DIP2B: variants seen among roughly 807,000 people sequenced by gnomAD.
DIP2B encodes the protein DIP2 acetate--CoA ligase B (putative), also known as disco-interacting protein 2 homolog B.
DIP2B carries 76 observed loss-of-function variants against 198.0 expected under a neutral mutation model. The observed-to-expected ratio is 0.38, with a 90% CI of 0.32 to 0.46. The LOEUF (loss-of-function observed/expected upper bound fraction) is 0.46, where lower values mean the gene tolerates loss of function less well. DIP2B is among the 20% of genes least tolerant of loss of function. The pLI, the probability that DIP2B is intolerant of heterozygous loss-of-function variation, is 0.99. For synonymous variants in DIP2B, 701 were observed against 739.1 expected (o/e 0.95, Z 0.84); for missense variants, 1,559 against 1,978.4 (o/e 0.79, Z 4.02).
rs1166117560 is a variant in DIP2B, at chr12:50,734,981, T to C, written c.4044-92T>C. The stretch of plus-strand genomic sequence containing the variant: ...TGTAGTATGAGGAAGAGAGACAAGT[T>C]AGAGGTTGTGGGAAGGCAGCACCGA... On this transcript the variant is annotated intron_variant, in intron 33 of 37. Transcript: ENST00000301180. The C allele has an allele frequency of 2.8e-6, 4 of 1,447,976 alleles. No individual in the cohort carries two copies. The East Asian group carries it at 9.1e-5, about 33-fold the overall frequency. The allele number at this position is 1,447,976 out of a possible 1,614,324, so 89.7% of individuals were successfully genotyped here. A position where few individuals can be genotyped will look rare whatever the true frequency, so the allele number is the denominator to read the frequency against.
rs768299705 is a variant in DIP2B, at chr12:50,516,241, C to CTCTCTATCTCTATCTCTA, written c.100+11015_100+11032dup. On this transcript the variant is annotated intron_variant, in intron 1 of 37. Transcript: ENST00000301180. ...TCTCTCTCTCTCTCTCTCTCTCTCT[C>CTCTCTATCTCTATCTCTA]TCTCTATCTCTATCTCTATCTCTAT... Among the ~76,000 whole-genome samples the CTCTCTATCTCTATCTCTA allele has an allele frequency of 1.2e-3, 171 of 141,086 alleles. 2 individuals carry two copies. The highest frequency in any genetic ancestry group is 4.4e-3 in the African/African-American group (161 of 36,406). The allele number at this position is 141,086 out of a possible 152,430, so 92.6% of individuals were successfully genotyped here.
chr12:50,570,295 G>A (rs954284961), intron 1 of DIP2B, among the ~76,000 whole-genome samples: 1 of 152,144 alleles, frequency 6.6e-6, no homozygotes, highest in South Asian at 2.1e-4. Flanking sequence ...GTGTATATAT[G>A]TATATTTGAA....
chr12:50,744,056 T>C (rs1815010), intron 37 of DIP2B, among the ~76,000 whole-genome samples: 138,454 of 152,234 alleles, frequency 0.91, 63,488 homozygotes, highest in Non-Finnish European at 0.98. Flanking sequence ...GGCTGGAGTG[T>C]AGTGGCGCAA....
chr12:50,506,199 A>G (rs1454400840), intron 1 of DIP2B, among the ~76,000 whole-genome samples: 1 of 152,082 alleles, frequency 6.6e-6, no homozygotes, highest in African/African-American at 2.4e-5. Flanking sequence ...CCCCTGAGAC[A>G]AAAGCAGCAT....
In DIP2B at chr12:50,728,639, C is replaced by T; in HGVS notation, c.3602C>T (p.Pro1201Leu). 6.2e-7 allele frequency: 1 copy of T among 1,614,156 alleles called. No homozygotes were observed. The highest frequency in any genetic ancestry group is 8.5e-7 in the Non-Finnish European group (1 of 1,180,016). Residue 1201 changes from proline (P) to leucine (L), a missense_variant, in exon 30 of 38, where the codon CCT becomes CTT. Physicochemically the swap from Pro to Leu is moderately conservative, Grantham distance 98. Transcript: ENST00000301180. ...CGGCAGATCGCCATCTGCCTTGACC[C>T]TTACTGTGGACTTGGCTTCGCGCTC... is the stretch of plus-strand genomic sequence containing the variant. Reference protein sequence around the residue: ...SSRQIAICLDPYCGLGFALWC... With the variant: ...SSRQIAICLDLYCGLGFALWC...
chr12:50,692,908 C>T, intron 13 of DIP2B, 41 bp from the exon 14 acceptor site: 2 of 1,571,030 alleles, frequency 1.3e-6, no homozygotes, highest in Non-Finnish European at 1.7e-6. Flanking sequence ...CTACTTAATA[C>T]TAAAGATGAT....
intron 1 of DIP2B, among the ~76,000 whole-genome samples, chr12:50,548,104 T>G (rs1019528268): frequency 6.6e-6 from 1 of 152,108 alleles, no homozygotes; most frequent in Non-Finnish European, 1.5e-5. Context: ...GTGTATATAT[T>G]TTTATACATA....
chr12:50,611,805 C>G (rs562692086), intron 1 of DIP2B, among the ~76,000 whole-genome samples: 1 of 152,224 alleles, frequency 6.6e-6, no homozygotes, highest in South Asian at 2.1e-4. Context: ...AAGAAATGCC[C>G]AAGAAAACTT....
chr12:50,639,447 A>G (rs1335480072), intron 2 of DIP2B, among the ~76,000 whole-genome samples: 2 of 151,772 alleles, frequency 1.3e-5, no homozygotes, highest in Non-Finnish European at 1.5e-5. Flanking sequence ...TGGCCTTTCC[A>G]GCATGCTACC....
intron 23 of DIP2B, among the ~76,000 whole-genome samples, chr12:50,718,046 T>C (rs1025417145): frequency 1.3e-5 from 2 of 151,796 alleles, no homozygotes; most frequent in Admixed American, 6.6e-5. Flanking sequence ...ACTACAGGTG[T>C]GTACCACCAC....
intron 33 of DIP2B, among the ~76,000 whole-genome samples, chr12:50,734,569 C>T (rs1940103594): frequency 1.3e-5 from 2 of 152,050 alleles, no homozygotes; most frequent in South Asian, 2.1e-4. Context: ...TATCTGAGCC[C>T]CATGGGTAAA....
intron 13 of DIP2B, among the ~76,000 whole-genome samples, chr12:50,691,680 A>G (rs563137116): frequency 1.3e-5 from 2 of 152,368 alleles, no homozygotes; most frequent in Non-Finnish European, 1.5e-5. Flanking sequence ...ATTTTTAACC[A>G]GACAACAATG....
At chr12:50,566,971 C>CAAAAAAAAA (rs34854416) in intron 1 of DIP2B, among the ~76,000 whole-genome samples, 23 of 78,228 alleles carry the variant, frequency 2.9e-4, no homozygotes, top group South Asian at 4.2e-4. Context: ...GACTCCGTCT[C>CAAAAAAAAA]AAAAAAAAAA....
At chr12:50,663,872 T>TAA (rs397934701) in intron 4 of DIP2B, among the ~76,000 whole-genome samples, 1,496 of 104,694 alleles carry the variant, frequency 0.014, 26 homozygotes, top group African/African-American at 0.045. Context: ...CCCATCTCTT[T>TAA]AAAAAAAAAA....
At chr12:50,645,674 G>A (rs1938337249) in intron 3 of DIP2B, among the ~76,000 whole-genome samples, 1 of 151,990 alleles carries the variant, frequency 6.6e-6, no homozygotes, top group Admixed American at 6.6e-5. Context: ...GCCCACGCTG[G>A]TGTCGAACTC....
chr12:50,552,171 T>G (rs1958432165), intron 1 of DIP2B, among the ~76,000 whole-genome samples: 1 of 152,210 alleles, frequency 6.6e-6, no homozygotes, highest in African/African-American at 2.4e-5. Flanking sequence ...TGAGCATCTT[T>G]TCATATGCTC....
chr12:50,528,267 G>A (rs1473317766), intron 1 of DIP2B, among the ~76,000 whole-genome samples: 1 of 149,584 alleles, frequency 6.7e-6, no homozygotes, highest in East Asian at 2.0e-4. Context: ...TAGTGTCTCA[G>A]TGTCCTCATC....
intron 1 of DIP2B, among the ~76,000 whole-genome samples, chr12:50,530,223 C>G (rs1197859680): frequency 6.6e-6 from 1 of 152,120 alleles, no homozygotes; most frequent in African/African-American, 2.4e-5. Flanking sequence ...ACTACAGGCA[C>G]CCGCCATCAC....
intron 1 of DIP2B, among the ~76,000 whole-genome samples, chr12:50,544,925 T>G (rs1958362985): frequency 6.6e-6 from 1 of 152,074 alleles, no homozygotes; most frequent in South Asian, 2.1e-4. Context: ...CTGAATAACT[T>G]TCTTAAAAGC....
Sources: gnomAD v4.1 joint callset for allele counts (sites outside exome capture counted in the v4.1 genomes callset) on GRCh38, gnomAD v4.1.1 for gene constraint, MANE v1.5 for transcripts, NCBI Gene and HGNC (gene_info 2026-07-23, HGNC 2026-07-21) for gene names.